Variants in DOP1B observed in about 807,000 individuals in gnomAD.
The protein encoded by DOP1B is protein DOP1B.
A neutral mutation model predicts 233.5 loss-of-function variants in DOP1B; 174 were observed. The observed-to-expected ratio is 0.75, with a 90% CI of 0.66 to 0.85. The LOEUF (loss-of-function observed/expected upper bound fraction) is 0.85. Among genes scored for constraint, DOP1B ranks in the 40% least tolerant of loss-of-function variants. The pLI is 0.00. For missense variants in DOP1B, 2,652 were observed against 2,846.6 expected (o/e 0.93, Z 1.56); for synonymous variants, 1,190 against 1,185.6 (o/e 1.00, Z -0.08).
chr21:36,277,761 T>C (rs1189867954), intron 28 of DOP1B, among the ~76,000 whole-genome samples: 3 of 151,838 alleles, frequency 2.0e-5, no homozygotes, highest in African/African-American at 4.8e-5. Flanking sequence ...TTCAAGCAGT[T>C]CTCCTGCCTC....
intron 2 of DOP1B, among the ~76,000 whole-genome samples, chr21:36,178,785 T>C (rs2066061619): frequency 6.6e-6 from 1 of 152,252 alleles, no homozygotes; most frequent in South Asian, 2.1e-4. Context: ...AAAATAGTCT[T>C]TTCCTTTTAA....
chr21:36,275,839 G>T (rs902931710), intron 27 of DOP1B, among the ~76,000 whole-genome samples: 3 of 152,102 alleles, frequency 2.0e-5, no homozygotes, highest in African/African-American at 4.8e-5. Context: ...GAGTCCTTCC[G>T]AGGGAAAGAA....
At chr21:36,273,890 A>G (rs1221274889) in intron 27 of DOP1B, among the ~76,000 whole-genome samples, 1 of 152,216 alleles carries the variant, frequency 6.6e-6, no homozygotes, top group East Asian at 1.9e-4. Flanking sequence ...CCTGGCTAAC[A>G]TGGTGAAACC....
rs570981882 is a variant in DOP1B at position 36,263,205 on chromosome 21, G to T, written c.5316-341G>T. Reference sequence around the variant, plus strand: ...GCCGAGATCACGCCATTGCACTCCAGCCTGGGCAACAAAAGTAAATCTCCG... The same window carrying T: ...GCCGAGATCACGCCATTGCACTCCATCCTGGGCAACAAAAGTAAATCTCCG... On this transcript the variant is annotated intron_variant, in intron 24 of 36. Coordinates refer to ENST00000691173, the MANE Select transcript of DOP1B (RefSeq NM_001320714.2). Among the ~76,000 whole-genome samples, 4 of 140,456 alleles carry T rather than the reference G, an allele frequency of 2.8e-5. No individual in the cohort carries two copies. The South Asian group carries it at 9.0e-4, about 32-fold the overall frequency. 92.1% of individuals were successfully genotyped at this position (140,456 alleles called of 152,430 possible). A position where few individuals can be genotyped will look rare whatever the true frequency, so the allele number is the denominator to read the frequency against.
chr21:36,234,660 C>T (rs1053376373), intron 15 of DOP1B, among the ~76,000 whole-genome samples: 5 of 152,040 alleles, frequency 3.3e-5, no homozygotes, highest in Non-Finnish European at 7.4e-5. Context: ...CCTGCCTCAG[C>T]TTCCCTGGTA....
chr21:36,216,484 A>G (rs1225762166), intron 9 of DOP1B, among the ~76,000 whole-genome samples: 1 of 150,958 alleles, frequency 6.6e-6, no homozygotes, highest in Non-Finnish European at 1.5e-5. Context: ...GACAGTGCAC[A>G]CCTATAATCG....
chr21:36,198,927 C>A lies in DOP1B; in HGVS notation c.139-143C>A. 6 of 821,514 alleles carry A rather than the reference C, an allele frequency of 7.3e-6. No homozygotes were observed. In the South Asian group the frequency reaches 1.2e-4, roughly 17 times the overall value. The allele number at this position is 821,514 out of a possible 1,614,324, so 50.9% of individuals were successfully genotyped here. ...CTGCTGTGGACTCTCGCCATGCAGT[C>A]CCTCTGCCCCTTTGTTGTGTATGTC... On this transcript the variant is annotated intron_variant, in intron 2 of 36. Transcript: ENST00000691173.
chr21:36,223,034 G>C (rs1310965358), intron 10 of DOP1B, among the ~76,000 whole-genome samples, 197 bp from the exon 11 acceptor site: 2 of 152,158 alleles, frequency 1.3e-5, no homozygotes, highest in South Asian at 4.1e-4. Context: ...TTAAGAGACT[G>C]TATCAATATA....
intron 2 of DOP1B, among the ~76,000 whole-genome samples, chr21:36,185,819 C>T (rs549338278): frequency 5.3e-5 from 8 of 152,226 alleles, no homozygotes; most frequent in East Asian, 1.9e-4. Context: ...TAAACTCTGA[C>T]GGGGAAAAAT....
intron 10 of DOP1B, 25 bp downstream of exon 10, chr21:36,219,517 C>T (rs199810305): frequency 2.1e-4 from 336 of 1,610,740 alleles, no homozygotes; most frequent in Admixed American, 8.4e-5. Context: ...TTGAACCTCA[C>T]GCATCTCTCT....
chr21:36,187,253 G>A (rs558226381), intron 2 of DOP1B, among the ~76,000 whole-genome samples: 16 of 129,356 alleles, frequency 1.2e-4, no homozygotes, highest in African/African-American at 4.7e-4. Context: ...CTTGACTGTG[G>A]CCAGCGCCCA....
intron 36 of DOP1B, among the ~76,000 whole-genome samples, chr21:36,292,447 C>T (rs1049193471): frequency 7.3e-5 from 11 of 151,466 alleles, no homozygotes; most frequent in African/African-American, 2.2e-4. Context: ...TGTTCTGAGA[C>T]GGAATCTCAC....
intron 4 of DOP1B, among the ~76,000 whole-genome samples, chr21:36,202,250 G>A (rs1039544167): frequency 2.6e-5 from 4 of 152,080 alleles, no homozygotes; most frequent in Non-Finnish European, 5.9e-5. Context: ...CTTTGTTTCC[G>A]GAGAAGTATA....
chr21:36,176,226 G>A (rs767720984), intron 2 of DOP1B, among the ~76,000 whole-genome samples: 1 of 152,040 alleles, frequency 6.6e-6, no homozygotes, highest in Non-Finnish European at 1.5e-5. Flanking sequence ...TTATTTATGG[G>A]GCACTGCATT....
At chr21:36,251,321 C>A in intron 22 of DOP1B, 37 bp downstream of exon 22, 1 of 1,589,120 alleles carries the variant, frequency 6.3e-7, no homozygotes. Context: ...GTTAAACTTA[C>A]TGTGACAAAG....
rs1569037440 is a variant in DOP1B, at chr21:36,231,073, C to T, written c.2289C>T (p.Phe763=). 1 of 1,613,574 alleles carries T rather than the reference C, an allele frequency of 6.2e-7. No individual in the cohort carries two copies. Among genetic ancestry groups the T allele is most frequent in the Non-Finnish European group, 8.5e-7 (1 of 1,179,788 alleles). Residue 763 remains phenylalanine, a synonymous_variant, in exon 14 of 37, where the codon TTC becomes TTT. Coordinates refer to ENST00000691173, the MANE Select transcript of DOP1B (RefSeq NM_001320714.2). ...ACCTGCTGCTGGATTGTGCCACTTT[C>T]CCTGTCTACCTGTCCGAGGAAGAGA... The part of the protein sequence containing the change: ...ACHLLLDCAT[F]PVYLSEEETE...
intron 32 of DOP1B, among the ~76,000 whole-genome samples, chr21:36,284,349 C>T (rs544228978): frequency 6.9e-6 from 1 of 144,920 alleles, no homozygotes; most frequent in East Asian, 2.0e-4. Flanking sequence ...CTGCTCACTG[C>T]AATCTCTGCC....
intron 4 of DOP1B, among the ~76,000 whole-genome samples, chr21:36,201,888 C>G (rs2066371780): frequency 6.6e-6 from 1 of 151,834 alleles, no homozygotes; most frequent in African/African-American, 2.4e-5. Context: ...TGAATCTGTT[C>G]CGACTATTGA....
intron 4 of DOP1B, 36 bp downstream of exon 4, chr21:36,200,537 A>G (rs369129523): frequency 1.9e-5 from 29 of 1,561,154 alleles, no homozygotes; most frequent in Non-Finnish European, 2.2e-5. Context: ...TGTTTACTCC[A>G]CTGCTTTATA....
Sources: allele counts gnomAD v4.1 joint callset (sites outside exome capture counted in the v4.1 genomes callset), GRCh38; gene constraint gnomAD v4.1.1; transcripts MANE v1.5; gene names NCBI Gene and HGNC (gene_info 2026-07-23, HGNC 2026-07-21).